The following TROAP variants were observed in gnomAD, a reference collection of about 807,000 sequenced individuals.
TROAP encodes tastin.
TROAP carries 62 observed loss-of-function variants against 83.4 expected under a neutral mutation model. The observed-to-expected ratio is 0.74, with a 90% confidence interval of 0.61 to 0.92. TROAP has a LOEUF of 0.92. Ranked by LOEUF, TROAP falls within the 40% of genes least tolerant of loss-of-function variation. TROAP has a pLI of 0.00. For missense variants in TROAP, 876 were observed against 985.1 expected, an observed-to-expected ratio of 0.89 and a Z score of 1.48; for synonymous variants, 352 against 386.4, an observed-to-expected ratio of 0.91 and a Z score of 1.04.
At position 49,330,554 on chromosome 12, in the gene TROAP, C is replaced by G; in HGVS notation, c.1709C>G (p.Ser570Cys). Residue 570 changes from serine to cysteine, a missense_variant, in exon 13 of 15, where the codon TCT (serine) becomes TGT (cysteine). By Grantham distance (112) the Ser-to-Cys change is moderately radical. This residue lies in a region of TROAP where 689 missense variants were observed against 722.6 expected (regional missense o/e 0.95). Coordinates refer to ENST00000257909, the MANE Select transcript of TROAP (RefSeq NM_005480.4). ...AGTGAGCCTGAGATACCGGAGTCCT[C>G]TCGCCAGGAACAGCTTGAGGTACCT... is the stretch of plus-strand genomic sequence containing the variant. The part of the protein sequence containing the change: ...CRSEPEIPES[S>C]RQEQLEVPEP... The G allele has an allele frequency of 6.2e-7, 1 of 1,613,526 alleles. No homozygotes were observed. The highest frequency in any genetic ancestry group is 8.5e-7 in the Non-Finnish European group (1 of 1,179,692).
Position 49,329,895 on chromosome 12 carries a change from T to G in TROAP, c.1203T>G (p.Cys401Trp), listed in dbSNP as rs1306451444. The G allele has an allele frequency of 3.7e-6, 6 of 1,614,038 alleles. No individual in the cohort carries two copies. Among genetic ancestry groups the G allele is most frequent in the Non-Finnish European group, 5.1e-6 (6 of 1,179,976 alleles). Residue 401 changes from cysteine to tryptophan, a missense_variant, in exon 12 of 15, where the codon TGT becomes TGG. Physicochemically the swap from Cys to Trp is radical, Grantham distance 215. Around this residue, in one of 3 missense-constraint regions of TROAP, gnomAD observed 689 missense variants for 722.6 expected, o/e 0.95. Transcript: ENST00000257909. The surrounding 1 kb of genome is among the most constrained non-coding windows in gnomAD (Gnocchi z 4.5). ...VAVRLFDQES[C>W]IRSLEGSGKP... ...TCCGGTTGTTTGACCAGGAGAGTTG[T>G]ATAAGGTCACTGGAGGGTTCTGGGA...
Position 49,329,648 on chromosome 12 carries a change from A to G in TROAP, c.1164+194A>G. On this transcript the variant is annotated intron_variant, in intron 11 of 14. Coordinates refer to ENST00000257909, the MANE Select transcript of TROAP (RefSeq NM_005480.4). This position sits in a 1 kb window ranked among gnomAD's most constrained non-coding sequence, Gnocchi z 4.5. ...TGAGACCAGCCTGGGCAACATAGTG[A>G]GACCCTGTCTCCACTAAAATTTTAA... is the stretch of plus-strand genomic sequence containing the variant. 1 of 974,766 alleles carries G rather than the reference A, an allele frequency of 1.0e-6. No individual in the cohort carries two copies. The highest frequency in any genetic ancestry group is 1.6e-5 in the South Asian group (1 of 60,692). 60.4% of individuals were successfully genotyped at this position (974,766 alleles called of 1,614,324 possible).
Position 49,331,256 on chromosome 12 carries a change from G to A in TROAP, c.2141G>A (p.Arg714His), listed in dbSNP as rs376189271. Residue 714 changes from arginine (R) to histidine (H), a missense_variant, in exon 14 of 15, where the codon CGC (arginine) becomes CAC (histidine). Arg to His is a conservative substitution (Grantham distance 29). This residue lies in a region of TROAP where 184 missense variants were observed against 238.3 expected (regional missense o/e 0.77). Transcript: ENST00000257909. ...CCTCGAACCCTAGCCCTGAGGGAGC[G>A]CCTCAAATCGTGTTTAACCGCCATC... ...LAPRTLALRE[R>H]LKSCLTAIHC... The A allele has an allele frequency of 1.2e-5, 20 of 1,614,048 alleles. No homozygotes were observed. The highest frequency in any genetic ancestry group is 1.7e-5 in the Admixed American group (1 of 60,004).
In TROAP at chr12:49,330,507, G is replaced by T. The variant is rs746888108; in HGVS notation, c.1662G>T (p.Arg554Ser). 2 of 1,613,586 alleles carry T rather than the reference G, an allele frequency of 1.2e-6. No homozygotes were observed. Among genetic ancestry groups the T allele is most frequent in the South Asian group, 1.1e-5 (1 of 90,988 alleles). Reference sequence around the variant, plus strand: ...AGCCCTACCCTCCAGCAGAACCCAGGCCCCTAGAGTCCTGCTGTAGGAGTG... The same window carrying T: ...AGCCCTACCCTCCAGCAGAACCCAGTCCCCTAGAGTCCTGCTGTAGGAGTG... The part of the protein sequence containing the change: ...VPEPYPPAEP[R>S]PLESCCRSEP... Residue 554 changes from arginine (R) to serine (S), a missense_variant, in exon 13 of 15, where the codon AGG becomes AGT. Around this residue, in one of 3 missense-constraint regions of TROAP, gnomAD observed 689 missense variants for 722.6 expected, o/e 0.95. Transcript: ENST00000257909.
chr12:49,324,718 C>CTTTTTT, intron 3 of TROAP: 1 of 144,008 alleles, frequency 6.9e-6, no homozygotes, highest in Non-Finnish European at 1.5e-5. Context: ...CTCTTTTTCT[C>CTTTTTT]TTTTTTTTTT....
Position 49,329,446 on chromosome 12 carries a change from C to T in TROAP, c.1156C>T (p.Leu386=), listed in dbSNP as rs1943547371. Residue 386 remains leucine, a synonymous_variant, in exon 11 of 15, where the codon CTG becomes TTG. Transcript: ENST00000257909. This position sits in a 1 kb window ranked among gnomAD's most constrained non-coding sequence, Gnocchi z 4.5. The stretch of plus-strand genomic sequence containing the variant: ...TCAGTCCTGCTCTGAAGATCCTGCC[C>T]TGCCCTGGGTAAGTATCAGAAGCTT... ...SPQSCSEDPA[L]PWEQVAVRLF... The T allele has an allele frequency of 1.2e-6, 2 of 1,610,400 alleles. No homozygotes were observed. The highest frequency in any genetic ancestry group is 2.7e-5 in the African/African-American group (2 of 74,880).
At position 49,330,360 on chromosome 12, in the gene TROAP, T is replaced by TC; in HGVS notation, c.1517dup (p.Glu507ArgfsTer22). ...ACTCAGGGCTGCCAAAGCCCTGTCT[T>TC]CCAGAGGAGTGCGGGGAACCACAGC... On this transcript the variant is annotated frameshift_variant, in exon 13 of 15. Coordinates refer to ENST00000257909, the MANE Select transcript of TROAP (RefSeq NM_005480.4). LOFTEE classifies it high-confidence loss of function. 1 of 1,614,140 alleles carries TC rather than the reference T, an allele frequency of 6.2e-7. No homozygotes were observed.
intron 6 of TROAP, among the ~76,000 whole-genome samples, 185 bp from the exon 7 acceptor site, chr12:49,326,479 CACTT>C (rs1943502874): frequency 6.6e-6 from 1 of 152,202 alleles, no homozygotes; most frequent in Non-Finnish European, 1.5e-5. Flanking sequence ...TAACTCTTAA[CACTT>C]ACTATTTGTG....
Position 49,331,205 on chromosome 12 carries a change from G to A in TROAP, c.2099-9G>A. The A allele has an allele frequency of 6.2e-7, 1 of 1,614,066 alleles. No homozygotes were observed. Among genetic ancestry groups the A allele is most frequent in the Non-Finnish European group, 8.5e-7 (1 of 1,180,018 alleles). Reference sequence around the variant, plus strand: ...CCAGACCTCCCTCTAAATTTTCCATGCCCCTCAGGCCTCAGCAATCTGGCC... The same window carrying A: ...CCAGACCTCCCTCTAAATTTTCCATACCCCTCAGGCCTCAGCAATCTGGCC... On this transcript the variant is annotated splice_polypyrimidine_tract_variant and intron_variant, in intron 13 of 14. Transcript: ENST00000257909.
chr12:49,327,673 G>A (rs1454519975), intron 8 of TROAP, among the ~76,000 whole-genome samples: 1 of 152,166 alleles, frequency 6.6e-6, no homozygotes, highest in African/African-American at 2.4e-5. Context: ...GCCAGGCTCT[G>A]TTCTAGGCTC....
Position 49,330,861 on chromosome 12 carries a change from GATCTT to G in TROAP, c.2017_2021del (p.Ile673LeufsTer59). 1.2e-6 allele frequency: 2 copies of G among 1,613,152 alleles called. No homozygotes were observed. The highest frequency in any genetic ancestry group is 1.7e-6 in the Non-Finnish European group (2 of 1,179,988). ...AGTGGGCTCCAGCAACCACCAGCCTGATCTTCTCTTCCCAACACCCGCTTTGTGCC... is the reference window on the plus strand; with the variant it reads ...AGTGGGCTCCAGCAACCACCAGCCTGCTCTTCCCAACACCCGCTTTGTGCC... On this transcript the variant is annotated frameshift_variant, in exon 13 of 15. Coordinates refer to ENST00000257909, the MANE Select transcript of TROAP (RefSeq NM_005480.4). LOFTEE classifies it high-confidence loss of function.
Position 49,331,384 on chromosome 12 carries a change from T to C in TROAP, c.2269T>C (p.Leu757=), listed in dbSNP as rs747116535. 27 of 1,613,594 alleles carry C rather than the reference T, an allele frequency of 1.7e-5. No individual in the cohort carries two copies. Among genetic ancestry groups the C allele is most frequent in the Non-Finnish European group, 2.1e-5 (25 of 1,179,678 alleles). ...GGTCTGCACCAACCCTGTGGCTACA[T>C]TACTCGAATGGCAGGATGCCCTGGT... The part of the protein sequence containing the change: ...TRVCTNPVAT[L]LEWQDALCFI... Residue 757 remains leucine, a synonymous_variant, in exon 14 of 15, where the codon TTA becomes CTA. Transcript: ENST00000257909.
At position 49,328,998 on chromosome 12, in the gene TROAP, A is replaced by G. The variant is rs1376076022; in HGVS notation, c.963A>G (p.Pro321=). The G allele has an allele frequency of 6.2e-7, 1 of 1,611,052 alleles. No homozygotes were observed. The highest frequency in any genetic ancestry group is 2.2e-5 in the East Asian group (1 of 44,838). The change falls in exon 9 of 15, where the codon CCA becomes CCG. Residue 321 remains proline (P), a synonymous_variant. Transcript: ENST00000257909. ...AGCCCTTGCCTGGCCATGTGGTGCC[A>G]TGTCCATCACCCTTTGGACGGGCTC... is the stretch of plus-strand genomic sequence containing the variant. ...VAQPLPGHVV[P]CPSPFGRAQR... is the part of the protein sequence containing the mutation.
At position 49,328,960 on chromosome 12, in the gene TROAP, G is replaced by A; in HGVS notation, c.925G>A (p.Ala309Thr). 3.8e-6 allele frequency: 6 copies of A among 1,599,592 alleles called. No individual in the cohort carries two copies. Among genetic ancestry groups the A allele is most frequent in the Non-Finnish European group, 5.1e-6 (6 of 1,171,110 alleles). The change falls in exon 9 of 15, where the codon GCC becomes ACC. Residue 309 changes from alanine (A) to threonine (T), a missense_variant. Transcript: ENST00000257909. Reference sequence around the variant, plus strand: ...TGACTCCCACCTGATGCCCTCCCCTGCCCCTGTGGCCCAGCCCTTGCCTGG... The same window carrying A: ...TGACTCCCACCTGATGCCCTCCCCTACCCCTGTGGCCCAGCCCTTGCCTGG... ...SHDSHLMPSP[A>T]PVAQPLPGHV...
At position 49,323,662 on chromosome 12, in the gene TROAP, C is replaced by T. The variant is rs199551854; in HGVS notation, c.54C>T (p.Thr18=). The T allele has an allele frequency of 4.5e-5, 73 of 1,614,098 alleles. No individual in the cohort carries two copies. The Admixed American group carries it at 5.2e-4, about 11-fold the overall frequency. The change falls in exon 2 of 15, where the codon ACC becomes ACT. Residue 18 remains threonine, a synonymous_variant. Transcript: ENST00000257909. ...CCCTCCTCCGGGGTGTATCTCCTACCCCTAGCAAGATTCCGGTACGCTCTC... is the reference window on the plus strand; with the variant it reads ...CCCTCCTCCGGGGTGTATCTCCTACTCCTAGCAAGATTCCGGTACGCTCTC... ...KDPLLRGVSP[T]PSKIPVRSQK... is the part of the protein sequence containing the mutation.
At chr12:49,330,977 A>G (rs1289779806) in intron 13 of TROAP, 34 bp downstream of exon 13, 4 of 1,604,576 alleles carry the variant, frequency 2.5e-6, no homozygotes, top group Non-Finnish European at 3.4e-6. Context: ...TGTGAACACA[A>G]GAGGTCCTCA....
In TROAP at chr12:49,329,910, G is replaced by A. The variant is rs928095343; in HGVS notation, c.1218G>A (p.Glu406=). 3.1e-6 allele frequency: 5 copies of A among 1,613,914 alleles called. No individual in the cohort carries two copies. In the African/African-American group the frequency reaches 6.7e-5, roughly 22 times the overall value. Residue 406 remains glutamate, a synonymous_variant, in exon 12 of 15, where the codon GAG becomes GAA. Transcript: ENST00000257909. This position sits in a 1 kb window ranked among gnomAD's most constrained non-coding sequence, Gnocchi z 4.5. ...FDQESCIRSL[E]GSGKPPVATP... Reference sequence around the variant, plus strand: ...AGGAGAGTTGTATAAGGTCACTGGAGGGTTCTGGGAAACCACCGGTGGCCA... The same window carrying A: ...AGGAGAGTTGTATAAGGTCACTGGAAGGTTCTGGGAAACCACCGGTGGCCA...
chr12:49,331,171 T>C lies in TROAP; in HGVS notation c.2099-43T>C, dbSNP rs766630156. The C allele has an allele frequency of 1.2e-5, 19 of 1,611,418 alleles. No homozygotes were observed. The African/African-American group carries it at 2.3e-4, about 19-fold the overall frequency. On this transcript the variant is annotated intron_variant, in intron 13 of 14. Transcript: ENST00000257909. ...AGGAGAGGACAGTACATGGTGGAAGTATAGGACCCCAGACCTCCCTCTAAA... is the reference window on the plus strand; with the variant it reads ...AGGAGAGGACAGTACATGGTGGAAGCATAGGACCCCAGACCTCCCTCTAAA...
At position 49,331,689 on chromosome 12, in the gene TROAP, C is replaced by G; in HGVS notation, c.*72C>G. 6.3e-7 allele frequency: 1 copy of G among 1,592,208 alleles called. No homozygotes were observed. The highest frequency in any genetic ancestry group is 8.6e-7 in the Non-Finnish European group (1 of 1,162,236). ...ATTTATTGTCGGTCTGCCCATGGGA[C>G]TGGGAGCCGCCCACTTTTGTCCTCA... On this transcript the variant is annotated 3_prime_UTR_variant, in exon 15 of 15. Coordinates refer to ENST00000257909, the MANE Select transcript of TROAP (RefSeq NM_005480.4).
Sources: gnomAD v4.1 joint callset for allele counts (sites outside exome capture counted in the v4.1 genomes callset) on GRCh38, gnomAD v4.1.1 for gene constraint, gnomAD v4.1.1 regional missense constraint, Gnocchi (gnomAD v3.1) non-coding constraint, MANE v1.5 for transcripts, NCBI Gene and HGNC (gene_info 2026-07-23, HGNC 2026-07-21) for gene names.